STX17: variants seen among roughly 807,000 people sequenced by gnomAD.
STX17 encodes syntaxin-17.
Under a neutral mutation model 35.9 loss-of-function variants are expected in STX17, and 29 were observed. The observed-to-expected ratio is 0.81, with a 90% confidence interval of 0.60 to 1.10. The LOEUF (loss-of-function observed/expected upper bound fraction) is 1.10. Ranked by LOEUF, STX17 falls within the 50% of genes least tolerant of loss-of-function variation. STX17 has a pLI of 0.00. For synonymous variants in STX17, 92 were observed against 118.3 expected (o/e 0.78, Z 1.44); for missense variants, 312 against 352.3 (o/e 0.89, Z 0.92).
chr9:99,948,321 T>A (rs900652282), intron 3 of STX17, among the ~76,000 whole-genome samples: 1 of 152,148 alleles, frequency 6.6e-6, no homozygotes, highest in African/African-American at 2.4e-5. Context: ...GTATTTTAGC[T>A]ATATTAGGTT....
rs1040157672 is a variant in STX17, at chr9:99,973,750, T to A, written c.*5077T>A. On this transcript the variant is annotated 3_prime_UTR_variant, in exon 8 of 8. Transcript: ENST00000259400. ...ACTGCCACAAGAATTAACAACCATGTCCATCTTTCATTTTTCTGCTGAAAG... is the reference window on the plus strand; with the variant it reads ...ACTGCCACAAGAATTAACAACCATGACCATCTTTCATTTTTCTGCTGAAAG... 6.6e-6 allele frequency among the ~76,000 whole-genome samples: 1 copy of A among 152,164 alleles called. No individual in the cohort carries two copies. Among genetic ancestry groups the A allele is most frequent in the African/African-American group, 2.4e-5 (1 of 41,442 alleles).
intron 4 of STX17, 110 bp downstream of exon 4, chr9:99,951,395 A>C: frequency 2.2e-6 from 2 of 926,426 alleles, no homozygotes; most frequent in South Asian, 1.8e-5. Flanking sequence ...ACCATTCACT[A>C]TCCCAATATG....
chr9:99,924,910 T>C (rs1478193811), intron 2 of STX17, among the ~76,000 whole-genome samples: 4 of 152,212 alleles, frequency 2.6e-5, no homozygotes, highest in Non-Finnish European at 5.9e-5. Context: ...GTAGGGTTTT[T>C]GTAGATTCCT....
chr9:99,964,200 C>T (rs995316407), intron 6 of STX17, among the ~76,000 whole-genome samples: 10 of 152,156 alleles, frequency 6.6e-5, no homozygotes, highest in African/African-American at 2.4e-4. Flanking sequence ...CCCCAACAGG[C>T]ATTCAAGAAC....
chr9:99,954,971 A>G (rs183643299), intron 4 of STX17, among the ~76,000 whole-genome samples: 28 of 152,146 alleles, frequency 1.8e-4, no homozygotes, highest in African/African-American at 5.5e-4. Context: ...TTCTCTGCCA[A>G]TCTTCTTGAT....
Position 99,916,274 on chromosome 9 carries a change from C to G in STX17, c.123+912C>G, listed in dbSNP as rs1828768085. On this transcript the variant is annotated intron_variant, in intron 2 of 7. Coordinates refer to ENST00000259400, the MANE Select transcript of STX17 (RefSeq NM_017919.3). Reference sequence around the variant, plus strand: ...CATTTTTGGAAACATCAAGTTTACTCAGTACTGAGCATTAATTTGGCAGAT... The same window carrying G: ...CATTTTTGGAAACATCAAGTTTACTGAGTACTGAGCATTAATTTGGCAGAT... The G allele has an allele frequency of 7.3e-5, 16 of 217,790 alleles. 1 individual carries two copies. The South Asian group carries it at 9.3e-4, about 13-fold the overall frequency. The allele number at this position is 217,790 out of a possible 1,614,324, so 13.5% of individuals were successfully genotyped here. A position where few individuals can be genotyped will look rare whatever the true frequency, so the allele number is the denominator to read the frequency against.
rs1829995195 is a variant in STX17 at position 99,970,163 on chromosome 9, G to T, written c.*1490G>T. On this transcript the variant is annotated 3_prime_UTR_variant, in exon 8 of 8. Coordinates refer to ENST00000259400, the MANE Select transcript of STX17 (RefSeq NM_017919.3). ...CTGCCAGGAGCTAAGGTTCATTAGG[G>T]GATTGGATGGTTTATCACTTCTTTC... 1 of 152,048 alleles carries T rather than the reference G, an allele frequency of 6.6e-6. No homozygotes were observed. Among genetic ancestry groups the T allele is most frequent in the South Asian group, 2.1e-4 (1 of 4,828 alleles). 9.4% of individuals were successfully genotyped at this position (152,048 alleles called of 1,614,324 possible).
At chr9:99,925,553 A>G (rs926300000) in intron 2 of STX17, among the ~76,000 whole-genome samples, 1 of 152,018 alleles carries the variant, frequency 6.6e-6, no homozygotes, top group African/African-American at 2.4e-5. Context: ...CTGGTGATGG[A>G]TTCTATCAGC....
At chr9:99,952,625 C>T (rs372624269) in intron 4 of STX17, among the ~76,000 whole-genome samples, 1 of 152,114 alleles carries the variant, frequency 6.6e-6, no homozygotes, top group Non-Finnish European at 1.5e-5. Flanking sequence ...GACTTGGAAC[C>T]AACCCAAATG....
intron 3 of STX17, among the ~76,000 whole-genome samples, chr9:99,949,102 C>T (rs1325791082): frequency 1.3e-5 from 2 of 152,054 alleles, no homozygotes; most frequent in Non-Finnish European, 2.9e-5. Context: ...TGTCTAGACT[C>T]CAGTTTCCTT....
intron 4 of STX17, among the ~76,000 whole-genome samples, chr9:99,953,091 CT>C (rs1198996824): frequency 6.6e-6 from 1 of 151,364 alleles, no homozygotes; most frequent in Non-Finnish European, 1.5e-5. Flanking sequence ...CCCATTTTTT[CT>C]TTTTTTATTT....
At chr9:99,934,037 A>C (rs2118397408) in intron 3 of STX17, among the ~76,000 whole-genome samples, 1 of 152,336 alleles carries the variant, frequency 6.6e-6, no homozygotes, top group Non-Finnish European at 1.5e-5. Flanking sequence ...GTAAAAGTTA[A>C]TGTAAGTCAG....
intron 4 of STX17, among the ~76,000 whole-genome samples, chr9:99,956,883 G>A (rs574274702): frequency 6.6e-6 from 1 of 152,280 alleles, no homozygotes; most frequent in East Asian, 1.9e-4. Flanking sequence ...TTCAGTTATA[G>A]GTTTGGCTGA....
intron 6 of STX17, 197 bp from the exon 7 acceptor site, chr9:99,967,456 T>C (rs1345817261): frequency 7.4e-6 from 3 of 404,670 alleles, no homozygotes; most frequent in Admixed American, 8.3e-5. Context: ...TATTACCTAA[T>C]AATTAAGACC....
At chr9:99,947,009 T>C (rs946708562) in intron 3 of STX17, among the ~76,000 whole-genome samples, 1 of 152,170 alleles carries the variant, frequency 6.6e-6, no homozygotes, top group Admixed American at 6.5e-5. Context: ...TCTTCAATGT[T>C]TTGAAAATTC....
intron 2 of STX17, among the ~76,000 whole-genome samples, chr9:99,917,953 G>A (rs1828808965): frequency 6.6e-6 from 1 of 152,128 alleles, no homozygotes; most frequent in South Asian, 2.1e-4. Flanking sequence ...TGGCTGCTCA[G>A]CAATCATCAA....
chr9:99,911,964 C>T (rs967409633), intron 1 of STX17, among the ~76,000 whole-genome samples: 12 of 152,166 alleles, frequency 7.9e-5, no homozygotes, highest in African/African-American at 1.7e-4. Flanking sequence ...TCGTGGCTCA[C>T]GCCTGTAATC....
intron 3 of STX17, among the ~76,000 whole-genome samples, chr9:99,939,225 G>A (rs890774013): frequency 6.6e-6 from 1 of 152,136 alleles, no homozygotes; most frequent in Non-Finnish European, 1.5e-5. Flanking sequence ...GAAAAGAAAC[G>A]ATTAAGGAGA....
At chr9:99,933,139 A>C (rs1019358963) in intron 3 of STX17, among the ~76,000 whole-genome samples, 2 of 152,162 alleles carry the variant, frequency 1.3e-5, no homozygotes, top group South Asian at 4.1e-4. Context: ...CATCAATAAA[A>C]TTTTATTTTA....
Sources: allele counts gnomAD v4.1 joint callset (sites outside exome capture counted in the v4.1 genomes callset), GRCh38; gene constraint gnomAD v4.1.1; transcripts MANE v1.5; gene names NCBI Gene and HGNC (gene_info 2026-07-23, HGNC 2026-07-21).